MDGA2: variants seen among roughly 807,000 people sequenced by gnomAD.
MDGA2 encodes the protein MAM domain containing glycosylphosphatidylinositol anchor 2.
MDGA2 carries 40 observed loss-of-function variants against 117.8 expected under a neutral mutation model. The observed-to-expected ratio is 0.34, with a 90% CI of 0.26 to 0.44. The LOEUF (loss-of-function observed/expected upper bound fraction) is 0.44. Ranked by LOEUF, MDGA2 falls within the 20% of genes least tolerant of loss-of-function variation. MDGA2 has a pLI of 1.00. For missense variants in MDGA2, 1,123 were observed against 1,250.6 expected (o/e 0.90, Z 1.54); for synonymous variants, 452 against 439.0 (o/e 1.03, Z -0.37).
At chr14:47,184,230 G>A (rs571756760) in intron 3 of MDGA2, among the ~76,000 whole-genome samples, 22 of 151,704 alleles carry the variant, frequency 1.5e-4, no homozygotes, top group Non-Finnish European at 2.8e-4. Context: ...CTTTTGCTTC[G>A]ATATTCCTTA....
intron 2 of MDGA2, among the ~76,000 whole-genome samples, chr14:47,219,780 GCAAGAAACAAGAGAATAGTC>G (rs1886231506): frequency 6.6e-6 from 1 of 151,938 alleles, no homozygotes. Flanking sequence ...AAGACAAAAA[GCAAGAAACAAGAGAATAGTC>G]TCGTCTGTGT....
At chr14:46,847,635 A>G (rs1397827675) in intron 15 of MDGA2, among the ~76,000 whole-genome samples, 1 of 151,974 alleles carries the variant, frequency 6.6e-6, no homozygotes, top group African/African-American at 2.4e-5. Context: ...AATGAACGGT[A>G]TGAACATTTG....
chr14:47,121,689 T>C (rs1450691348), intron 5 of MDGA2, among the ~76,000 whole-genome samples: 5 of 152,204 alleles, frequency 3.3e-5, no homozygotes, highest in Middle Eastern at 3.4e-3. Context: ...TAATTTTATC[T>C]TCACAATATC....
chr14:47,046,181 AAG>A (rs1006464503), intron 7 of MDGA2, among the ~76,000 whole-genome samples: 1 of 151,538 alleles, frequency 6.6e-6, no homozygotes, highest in Non-Finnish European at 1.5e-5. Context: ...AAATAAAAGA[AAG>A]GGGGTATGAT....
At chr14:47,042,519 T>G (rs1889114962) in intron 7 of MDGA2, among the ~76,000 whole-genome samples, 1 of 152,128 alleles carries the variant, frequency 6.6e-6, no homozygotes, top group African/African-American at 2.4e-5. Context: ...GAGTGCTGTT[T>G]CAGTGTTTGT....
intron 1 of MDGA2, among the ~76,000 whole-genome samples, chr14:47,360,354 AAAATAAATAAATAAATAAAT>A (rs60754618): frequency 0.026 from 3,631 of 139,996 alleles, 86 homozygotes; most frequent in Non-Finnish European, 0.036. Flanking sequence ...TCCATCTCAA[AAAATAAATAAATAAATAAAT>A]AAATAAATAA....
chr14:47,326,491 T>C (rs1436406424), intron 1 of MDGA2, among the ~76,000 whole-genome samples: 3 of 152,026 alleles, frequency 2.0e-5, no homozygotes, highest in African/African-American at 7.2e-5. Flanking sequence ...CAATTATTCC[T>C]CTCTAGTACA....
chr14:47,049,423 T>C (rs1052292672), intron 7 of MDGA2, among the ~76,000 whole-genome samples: 1 of 152,082 alleles, frequency 6.6e-6, no homozygotes, highest in Non-Finnish European at 1.5e-5. Context: ...AAAAAATCTC[T>C]AGATTAGTTA....
chr14:47,329,831 G>C (rs1311419421), intron 1 of MDGA2, among the ~76,000 whole-genome samples: 1 of 151,694 alleles, frequency 6.6e-6, no homozygotes, highest in Non-Finnish European at 1.5e-5. Flanking sequence ...TTTATAATGA[G>C]AAAACTAAAG....
At chr14:47,596,536 A>C (rs1248112086) in intron 1 of MDGA2, among the ~76,000 whole-genome samples, 1 of 151,964 alleles carries the variant, frequency 6.6e-6, no homozygotes, top group African/African-American at 2.4e-5. Context: ...TTTCAGCCTC[A>C]CCTTCCCCAC....
At chr14:46,853,349 G>A (rs550606682) in intron 15 of MDGA2, among the ~76,000 whole-genome samples, 1 of 151,860 alleles carries the variant, frequency 6.6e-6, no homozygotes, top group African/African-American at 2.4e-5. Context: ...TGAAATCTTC[G>A]AAGGAGAAGA....
Position 46,888,451 on chromosome 14 carries a change from G to A in MDGA2, c.2239-6230C>T, listed in dbSNP as rs138272793. ...ATTTAATTTTTTCTTTTATCCCCAG[G>A]AGGTATATTCCATTCAGATGATTTA... is the stretch of plus-strand genomic sequence containing the variant. On this transcript the variant is annotated intron_variant, in intron 10 of 16. Transcript: ENST00000399232. Among the ~76,000 whole-genome samples, 690 of 151,808 alleles carry A rather than the reference G, an allele frequency of 4.5e-3. 2 individuals carry two copies. The highest frequency in any genetic ancestry group is 0.016 in the African/African-American group (645 of 41,444).
chr14:47,122,225 T>C (rs1283124969), intron 5 of MDGA2, among the ~76,000 whole-genome samples: 2 of 152,088 alleles, frequency 1.3e-5, no homozygotes, highest in African/African-American at 2.4e-5. Flanking sequence ...GTTGAAGGAA[T>C]TGATCATACT....
At chr14:47,420,098 C>A (rs2138504906) in intron 1 of MDGA2, among the ~76,000 whole-genome samples, 1 of 152,170 alleles carries the variant, frequency 6.6e-6, no homozygotes, top group Admixed American at 6.5e-5. Flanking sequence ...ACAATACATG[C>A]ATGCATGCAT....
chr14:47,383,829 C>G (rs1411409420), intron 1 of MDGA2, among the ~76,000 whole-genome samples: 1 of 152,090 alleles, frequency 6.6e-6, no homozygotes. Context: ...CCGGACGGTT[C>G]ATTAGAATTG....
intron 1 of MDGA2, among the ~76,000 whole-genome samples, chr14:47,419,163 ATATT>A (rs908377538): frequency 6.6e-6 from 1 of 152,170 alleles, no homozygotes; most frequent in Middle Eastern, 3.2e-3. Flanking sequence ...GTATAAATGA[ATATT>A]TATAAAGGGA....
intron 1 of MDGA2, among the ~76,000 whole-genome samples, chr14:47,459,916 C>T (rs1214533928): frequency 2.0e-5 from 3 of 152,000 alleles, no homozygotes; most frequent in African/African-American, 4.8e-5. Context: ...TTTTTCAAAC[C>T]AGGCAATTTA....
chr14:47,295,850 G>C (rs1415407128), intron 2 of MDGA2, among the ~76,000 whole-genome samples: 2 of 152,070 alleles, frequency 1.3e-5, no homozygotes, highest in South Asian at 2.1e-4. Context: ...GTTGCAGTTA[G>C]CCGAGATTGT....
intron 5 of MDGA2, among the ~76,000 whole-genome samples, chr14:47,100,763 A>G (rs945412847): frequency 6.6e-6 from 1 of 152,214 alleles, no homozygotes; most frequent in Non-Finnish European, 1.5e-5. Context: ...CTGATTAAGC[A>G]GAGCATTTAT....
Sources: allele counts gnomAD v4.1 joint callset (sites outside exome capture counted in the v4.1 genomes callset), GRCh38; gene constraint gnomAD v4.1.1; transcripts MANE v1.5; gene names NCBI Gene and HGNC (gene_info 2026-07-23, HGNC 2026-07-21).